STX2: variants seen among roughly 807,000 people sequenced by gnomAD.
STX2 encodes syntaxin 2.
Under a neutral mutation model 40.6 loss-of-function variants are expected in STX2, and 27 were observed. The observed-to-expected ratio is 0.66, with a 90% CI of 0.49 to 0.92. The LOEUF is 0.92. STX2 is among the 40% of genes least tolerant of loss of function. The pLI is 0.00. For synonymous variants in STX2, 123 were observed against 119.1 expected (o/e 1.03, Z -0.22); for missense variants, 328 against 366.1 (o/e 0.90, Z 0.85).
intron 4 of STX2, among the ~76,000 whole-genome samples, chr12:130,809,634 T>C (rs1951571659): frequency 6.6e-6 from 1 of 152,090 alleles, no homozygotes; most frequent in Non-Finnish European, 1.5e-5. Context: ...GTGGCCAACA[T>C]GGTGAAACCC....
intron 6 of STX2, among the ~76,000 whole-genome samples, chr12:130,804,446 CTCA>C (rs1470330957): frequency 6.6e-6 from 1 of 152,214 alleles, no homozygotes; most frequent in African/African-American, 2.4e-5. Context: ...CAGGCAACCT[CTCA>C]TCAAGATGCT....
chr12:130,807,004 G>A lies in STX2; in HGVS notation c.441C>T (p.Arg147=). 1.2e-6 allele frequency: 2 copies of A among 1,614,214 alleles called. No individual in the cohort carries two copies. The highest frequency in any genetic ancestry group is 2.2e-5 in the East Asian group (1 of 44,874). The part of the protein sequence containing the change: ...QTLFRERSKG[R]IQRQLEITGR... ...CACTTATCTCCAGCTGGCGCTGGAT[G>A]CGGCCTTTGCTCCGCTCCCGAAACA... Residue 147 remains arginine (R), a synonymous_variant, in exon 6 of 11, where the codon CGC becomes CGT. Coordinates refer to ENST00000392373, the MANE Select transcript of STX2 (RefSeq NM_194356.4).
chr12:130,801,689 C>T lies in STX2; in HGVS notation c.464-201G>A, dbSNP rs147502986. On this transcript the variant is annotated intron_variant, in intron 6 of 10. Transcript: ENST00000392373. Reference sequence around the variant, plus strand: ...GAAGAAATAAAAATACTCCGAGAAACTTTGTAAATGTTATAAACAATAAAA... The same window carrying T: ...GAAGAAATAAAAATACTCCGAGAAATTTTGTAAATGTTATAAACAATAAAA... Among the ~76,000 whole-genome samples the T allele has an allele frequency of 3.1e-3, 471 of 152,254 alleles. 2 individuals are homozygous for T. The highest frequency in any genetic ancestry group is 0.014 in the Middle Eastern group (4 of 294).
At chr12:130,838,406 G>C (rs971359470) in intron 1 of STX2, among the ~76,000 whole-genome samples, 1 of 152,158 alleles carries the variant, frequency 6.6e-6, no homozygotes, top group African/African-American at 2.4e-5. Flanking sequence ...TGTGTGCCCG[G>C]CTGCTGGGCG....
At chr12:130,818,675 G>A (rs115996333) in intron 3 of STX2, among the ~76,000 whole-genome samples, 77 of 92,004 alleles carry the variant, frequency 8.4e-4, no homozygotes, top group African/African-American at 2.0e-3. Flanking sequence ...GATGGAGACG[G>A]TGCAGACGGT....
chr12:130,797,084 T>G (rs905671558), intron 9 of STX2, among the ~76,000 whole-genome samples: 1 of 152,192 alleles, frequency 6.6e-6, no homozygotes, highest in African/African-American at 2.4e-5. Flanking sequence ...GAAACAGGCA[T>G]CACGTCTCTG....
At chr12:130,814,451 T>C (rs78667336) in intron 3 of STX2, among the ~76,000 whole-genome samples, 15,810 of 151,684 alleles carry the variant, frequency 0.1, 1,142 homozygotes, top group Non-Finnish European at 0.14. Context: ...GAAGGGTCTA[T>C]GGCACAGAGC....
In STX2 at chr12:130,821,703, G is replaced by C. The variant is rs559887362; in HGVS notation, c.191C>G (p.Pro64Arg). The C allele has an allele frequency of 3.5e-5, 56 of 1,613,544 alleles. No individual in the cohort carries two copies. In the South Asian group the frequency reaches 5.8e-4, roughly 17 times the overall value. The change falls in exon 3 of 11, where the codon CCA (proline) becomes CGA (arginine). Residue 64 changes from proline to arginine, a missense_variant. Physicochemically the swap from Pro to Arg is moderately radical, Grantham distance 103. Coordinates refer to ENST00000392373, the MANE Select transcript of STX2 (RefSeq NM_194356.4). ...CAACAACTTACTTCCTTCCGGGTTT[G>C]GTGCAGAAAGAATGATGCTGTGGTT... is the stretch of plus-strand genomic sequence containing the variant. Reference protein sequence around the residue: ...KKNHSIILSAPNPEGKIKEEL... With the variant: ...KKNHSIILSARNPEGKIKEEL...
intron 6 of STX2, among the ~76,000 whole-genome samples, chr12:130,803,064 T>G (rs1951290253): frequency 6.6e-6 from 1 of 152,248 alleles, no homozygotes; most frequent in African/African-American, 2.4e-5. Flanking sequence ...AATTGTATGC[T>G]CCAAATATCA....
chr12:130,827,764 G>A (rs566147095), intron 1 of STX2, among the ~76,000 whole-genome samples: 1 of 152,298 alleles, frequency 6.6e-6, no homozygotes, highest in South Asian at 2.1e-4. Context: ...AAATTAGCTG[G>A]GCCTAGTGGC....
intron 3 of STX2, among the ~76,000 whole-genome samples, chr12:130,816,965 T>C (rs1951881488): frequency 6.6e-6 from 1 of 152,188 alleles, no homozygotes; most frequent in Non-Finnish European, 1.5e-5. Flanking sequence ...AGATCCAGAA[T>C]TGCTGGTGCT....
chr12:130,821,817 T>C, intron 2 of STX2, 29 bp from the exon 3 acceptor site: 2 of 1,467,906 alleles, frequency 1.4e-6, no homozygotes, highest in East Asian at 2.3e-5. Flanking sequence ...CATTACAGCA[T>C]GGCAAACTCA....
chr12:130,827,342 C>T, intron 1 of STX2, 75 bp from the exon 2 acceptor site: 1 of 1,133,072 alleles, frequency 8.8e-7, no homozygotes, highest in Non-Finnish European at 1.3e-6. Flanking sequence ...AATACAAAAA[C>T]AGTTCAATAC....
chr12:130,814,684 T>C lies in STX2; in HGVS notation c.206-1653A>G, dbSNP rs973683413. ...AGAGTCTTGCTCTTGTCACCCAGGC[T>C]GGAGTGCAGTGGCACAATCTCGACT... On this transcript the variant is annotated intron_variant, in intron 3 of 10. Coordinates refer to ENST00000392373, the MANE Select transcript of STX2 (RefSeq NM_194356.4). 1.5e-4 allele frequency among the ~76,000 whole-genome samples: 20 copies of C among 137,590 alleles called. 1 individual carries two copies. Among genetic ancestry groups the C allele is most frequent in the African/African-American group, 4.6e-4 (17 of 36,996 alleles). The allele number at this position is 137,590 out of a possible 152,430, so 90.3% of individuals were successfully genotyped here.
At position 130,827,181 on chromosome 12, in the gene STX2, A is replaced by G; in HGVS notation, c.105+12T>C. ...AGGCAGGCTATGATTGGGTTTCATTAAACGCTCTTACCTGATGGAAGAAAT... is the reference window on the plus strand; with the variant it reads ...AGGCAGGCTATGATTGGGTTTCATTGAACGCTCTTACCTGATGGAAGAAAT... On this transcript the variant is annotated intron_variant, in intron 2 of 10. Transcript: ENST00000392373. The G allele has an allele frequency of 6.2e-7, 1 of 1,610,798 alleles. No homozygotes were observed. The highest frequency in any genetic ancestry group is 8.5e-7 in the Non-Finnish European group (1 of 1,177,816).
chr12:130,815,311 G>C (rs973901974), intron 3 of STX2, among the ~76,000 whole-genome samples: 2 of 152,144 alleles, frequency 1.3e-5, no homozygotes, highest in African/African-American at 4.8e-5. Context: ...CATAAGCCAG[G>C]AATGGCACCA....
intron 3 of STX2, among the ~76,000 whole-genome samples, chr12:130,820,583 T>C (rs552572162): frequency 9.9e-5 from 15 of 151,976 alleles, no homozygotes; most frequent in Non-Finnish European, 2.1e-4. Context: ...GAAGAATCGC[T>C]TGAACCCGGG....
chr12:130,822,159 G>A (rs1952140624), intron 2 of STX2, among the ~76,000 whole-genome samples: 1 of 152,158 alleles, frequency 6.6e-6, no homozygotes, highest in Non-Finnish European at 1.5e-5. Context: ...GCTCACACCT[G>A]TAATCCCAGC....
intron 1 of STX2, among the ~76,000 whole-genome samples, chr12:130,829,162 G>A (rs1041202182): frequency 2.0e-5 from 3 of 152,158 alleles, no homozygotes; most frequent in Non-Finnish European, 4.4e-5. Context: ...AATGGTTATG[G>A]TCTCAGAGCT....
Sources: allele counts gnomAD v4.1 joint callset (sites outside exome capture counted in the v4.1 genomes callset), GRCh38; gene constraint gnomAD v4.1.1; transcripts MANE v1.5; gene names NCBI Gene and HGNC (gene_info 2026-07-23, HGNC 2026-07-21).